Variants in MLLT3 observed in about 807,000 individuals in gnomAD.
The protein encoded by MLLT3 is MLLT3 super elongation complex subunit.
In MLLT3, 4 loss-of-function variants were observed where a neutral mutation model predicts 53.2. The observed-to-expected ratio is 0.08, with a 90% confidence interval of 0.04 to 0.17. The LOEUF (loss-of-function observed/expected upper bound fraction) is 0.17, where lower values mean the gene tolerates loss of function less well. MLLT3 is among the 10% of genes least tolerant of loss of function. The pLI is 1.00. For missense variants in MLLT3, 569 were observed against 684.0 expected (o/e 0.83, Z 1.87); for synonymous variants, 283 against 230.6 (o/e 1.23, Z -2.06).
chr9:20,577,937 A>G (rs1006461762), intron 2 of MLLT3, among the ~76,000 whole-genome samples: 11 of 152,316 alleles, frequency 7.2e-5, no homozygotes, highest in African/African-American at 2.6e-4. Flanking sequence ...AATTTAACCT[A>G]AAACCTGATC....
At chr9:20,357,026 G>A (rs1265870073) in intron 8 of MLLT3, among the ~76,000 whole-genome samples, 2 of 152,178 alleles carry the variant, frequency 1.3e-5, no homozygotes, top group African/African-American at 2.4e-5. Context: ...GAGCCCTGCT[G>A]AAGACAATTG....
rs151044200 is a variant in MLLT3 at position 20,496,947 on chromosome 9, A to G, written c.194-40161T>C. On this transcript the variant is annotated intron_variant, in intron 2 of 10. Coordinates refer to ENST00000380338, the MANE Select transcript of MLLT3 (RefSeq NM_004529.4). ...AAGTGGGGACACCACTGATCCTCCAACTTCCCTCTTGGACTTTCACTTGTC... is the reference window on the plus strand; with the variant it reads ...AAGTGGGGACACCACTGATCCTCCAGCTTCCCTCTTGGACTTTCACTTGTC... Among the ~76,000 whole-genome samples the G allele has an allele frequency of 6.2e-3, 944 of 152,290 alleles. 8 individuals carry two copies. Among genetic ancestry groups the G allele is most frequent in the African/African-American group, 0.02 (846 of 41,552 alleles).
At chr9:20,401,586 G>A (rs942435129) in intron 5 of MLLT3, among the ~76,000 whole-genome samples, 26 of 152,158 alleles carry the variant, frequency 1.7e-4, no homozygotes, top group African/African-American at 5.8e-4. Flanking sequence ...GTGGCAGCTA[G>A]AGCACCGGTC....
Position 20,477,169 on chromosome 9 carries a change from A to G in MLLT3, c.194-20383T>C, listed in dbSNP as rs142882578. ...CTTAGACCCTATTTGTTTTGGAACCATGGGTTCCTTTCTTATTAAATTCTT... is the reference window on the plus strand; with the variant it reads ...CTTAGACCCTATTTGTTTTGGAACCGTGGGTTCCTTTCTTATTAAATTCTT... On this transcript the variant is annotated intron_variant, in intron 2 of 10. Coordinates refer to ENST00000380338, the MANE Select transcript of MLLT3 (RefSeq NM_004529.4). Among the ~76,000 whole-genome samples the G allele has an allele frequency of 1.1e-3, 172 of 152,194 alleles. 2 individuals are homozygous for G. In the South Asian group the frequency reaches 0.019, roughly 17 times the overall value.
At chr9:20,527,941 G>A (rs1353693808) in intron 2 of MLLT3, among the ~76,000 whole-genome samples, 1 of 152,212 alleles carries the variant, frequency 6.6e-6, no homozygotes, top group East Asian at 1.9e-4. Context: ...AATGAGGAAA[G>A]TGTTACACCT....
At chr9:20,466,253 AT>A (rs1824235550) in intron 2 of MLLT3, among the ~76,000 whole-genome samples, 1 of 152,094 alleles carries the variant, frequency 6.6e-6, no homozygotes, top group Admixed American at 6.6e-5. Flanking sequence ...TCCAGTGATT[AT>A]TTCCTTTGAG....
chr9:20,349,754 C>T (rs545650707), intron 10 of MLLT3, among the ~76,000 whole-genome samples: 8 of 152,220 alleles, frequency 5.3e-5, no homozygotes, highest in Non-Finnish European at 1.0e-4. Context: ...ATCTCCAGTA[C>T]TTCCATCACC....
chr9:20,464,747 G>C (rs1824193370), intron 2 of MLLT3, among the ~76,000 whole-genome samples: 1 of 152,044 alleles, frequency 6.6e-6, no homozygotes, highest in African/African-American at 2.4e-5. Flanking sequence ...ACAATCTAAA[G>C]CCTGTCCTTA....
At chr9:20,605,339 G>A (rs189243271) in intron 2 of MLLT3, among the ~76,000 whole-genome samples, 230 of 151,882 alleles carry the variant, frequency 1.5e-3, no homozygotes, top group African/African-American at 5.0e-3. Flanking sequence ...CTTACCCTGT[G>A]GAAAACAGGT....
In MLLT3 at chr9:20,408,136, T is replaced by G. The variant is rs142637657; in HGVS notation, c.1125+5585A>C. Among the ~76,000 whole-genome samples, 76 of 152,272 alleles carry G rather than the reference T, an allele frequency of 5.0e-4. No homozygotes were observed. The East Asian group carries it at 0.014, about 28-fold the overall frequency. ...GCCAATTGTTGATGACAACCAGCTT[T>G]GCAAAGATAGAGCCCCTGTGTATTC... On this transcript the variant is annotated intron_variant, in intron 5 of 10. Transcript: ENST00000380338.
intron 2 of MLLT3, among the ~76,000 whole-genome samples, chr9:20,556,301 T>C (rs1466101179): frequency 1.3e-5 from 2 of 152,216 alleles, no homozygotes; most frequent in Non-Finnish European, 2.9e-5. Flanking sequence ...ATTTTTAATT[T>C]TCAGTATTGA....
chr9:20,421,295 CAAAT>C (rs1823002329), intron 4 of MLLT3, among the ~76,000 whole-genome samples: 1 of 151,620 alleles, frequency 6.6e-6, no homozygotes, highest in Non-Finnish European at 1.5e-5. Context: ...AAATTAAAGA[CAAAT>C]AAATCAAAAG....
intron 2 of MLLT3, among the ~76,000 whole-genome samples, chr9:20,521,226 G>A (rs746191612): frequency 1.3e-4 from 19 of 151,918 alleles, no homozygotes; most frequent in East Asian, 3.9e-4. Flanking sequence ...ATGCACCATC[G>A]CATCCGGCTA....
intron 3 of MLLT3, among the ~76,000 whole-genome samples, chr9:20,453,112 A>C (rs1224687579): frequency 2.0e-5 from 3 of 152,230 alleles, no homozygotes; most frequent in Admixed American, 6.5e-5. Flanking sequence ...GGTTTCTAAG[A>C]CATCCTAAGA....
intron 2 of MLLT3, among the ~76,000 whole-genome samples, chr9:20,466,304 T>C (rs1824236706): frequency 6.6e-6 from 1 of 152,210 alleles, no homozygotes; most frequent in South Asian, 2.1e-4. Flanking sequence ...TTTTGAGCCA[T>C]TTTGGATTTC....
At chr9:20,368,422 C>G (rs1821510469) in intron 5 of MLLT3, among the ~76,000 whole-genome samples, 1 of 152,150 alleles carries the variant, frequency 6.6e-6, no homozygotes, top group African/African-American at 2.4e-5. Flanking sequence ...TTACAGTGAG[C>G]AGAGAGAGCT....
chr9:20,542,303 C>T lies in MLLT3; in HGVS notation c.193+78351G>A, dbSNP rs141259024. On this transcript the variant is annotated intron_variant, in intron 2 of 10. Transcript: ENST00000380338. The stretch of plus-strand genomic sequence containing the variant: ...CTGTCGCCCAGGCCGGACTGCGGAC[C>T]GCAGTGGCGCAATCTCGGCTCACTG... Among the ~76,000 whole-genome samples the T allele has an allele frequency of 3.1e-3, 470 of 149,676 alleles. 2 individuals are homozygous for T. Among genetic ancestry groups the T allele is most frequent in the African/African-American group, 0.01 (424 of 40,610 alleles).
chr9:20,435,547 A>G (rs113987550), intron 4 of MLLT3, among the ~76,000 whole-genome samples: 2 of 152,182 alleles, frequency 1.3e-5, no homozygotes, highest in Non-Finnish European at 2.9e-5. Flanking sequence ...AAGTATTTAT[A>G]TGTCCTCCAG....
chr9:20,380,273 C>T (rs546132279), intron 5 of MLLT3: 5 of 152,120 alleles, frequency 3.3e-5, no homozygotes, highest in Admixed American at 6.6e-5. Context: ...GCCTCTTCCT[C>T]TCTCTCTTCA....
Sources: gnomAD v4.1 joint callset for allele counts (sites outside exome capture counted in the v4.1 genomes callset) on GRCh38, gnomAD v4.1.1 for gene constraint, MANE v1.5 for transcripts, NCBI Gene and HGNC (gene_info 2026-07-23, HGNC 2026-07-21) for gene names.